The following KCNQ1 variants were observed in gnomAD, a reference collection of about 807,000 sequenced individuals.
The protein encoded by KCNQ1 is potassium voltage-gated channel subfamily Q member 1.
In KCNQ1, 49 loss-of-function variants were observed where a neutral mutation model predicts 72.4. The observed-to-expected ratio is 0.68, with a 90% CI of 0.54 to 0.86. The LOEUF is 0.86. KCNQ1 is among the 40% of genes least tolerant of loss of function. The probability of loss-of-function intolerance (pLI) is 0.00; values close to 1 mark genes in which losing one functional copy is unlikely to be tolerated. For synonymous variants in KCNQ1, 450 were observed against 412.6 expected (o/e 1.09, Z -1.10); for missense variants, 790 against 945.1 (o/e 0.84, Z 2.15).
At chr11:2,469,964 T>C (rs1002724151) in intron 1 of KCNQ1, among the ~76,000 whole-genome samples, 1 of 152,108 alleles carries the variant, frequency 6.6e-6, no homozygotes, top group African/African-American at 2.4e-5. Context: ...CCGGCCCTTT[T>C]AAACAACTTG....
chr11:2,530,212 C>T (rs924587500), intron 2 of KCNQ1, among the ~76,000 whole-genome samples: 1 of 152,212 alleles, frequency 6.6e-6, no homozygotes. Flanking sequence ...GGTACCTGCC[C>T]AGGATCCCCA....
chr11:2,673,838 G>T lies in KCNQ1; in HGVS notation c.1514+11757G>T. 2.5e-6 allele frequency: 1 copy of T among 398,802 alleles called. No homozygotes were observed. Among genetic ancestry groups the T allele is most frequent in the Non-Finnish European group, 4.4e-6 (1 of 226,218 alleles). The allele number at this position is 398,802 out of a possible 1,614,324, so 24.7% of individuals were successfully genotyped here. On this transcript the variant is annotated intron_variant, in intron 11 of 15. Coordinates refer to ENST00000155840, the MANE Select transcript of KCNQ1 (RefSeq NM_000218.3). This position sits in a 1 kb window ranked among gnomAD's most constrained non-coding sequence, Gnocchi z 4.5. The stretch of plus-strand genomic sequence containing the variant: ...CCAGGCCCACAAGCACCACAGCCAG[G>T]AGAGTCAAGGTTGGATATGAAGAGG...
At chr11:2,770,097 G>A (rs2133982591) in intron 12 of KCNQ1, among the ~76,000 whole-genome samples, 1 of 152,294 alleles carries the variant, frequency 6.6e-6, no homozygotes, top group East Asian at 1.9e-4. Context: ...CGGACTGACA[G>A]TGGCATTCAA....
chr11:2,655,256 A>G (rs1170338383), intron 10 of KCNQ1: 1 of 398,530 alleles, frequency 2.5e-6, no homozygotes. Context: ...CAGACCTCCC[A>G]CTTTCCTAGA....
At chr11:2,689,000 G>C (rs943110256) in intron 11 of KCNQ1, 1 of 398,732 alleles carries the variant, frequency 2.5e-6, no homozygotes, top group Admixed American at 4.4e-5. Context: ...GGAGCCTGCA[G>C]GTCCCTGGGT....
In KCNQ1 at chr11:2,598,609, T is replaced by TA. The variant is rs767929610; in HGVS notation, c.1393+9767dup. ...CATTTAGGTCTGCTCTGCCCTTAGT[T>TA]AAAAAAAAAAAACCCTAATACATCT... On this transcript the variant is annotated intron_variant, in intron 10 of 15. Transcript: ENST00000155840. The surrounding 1 kb of genome is among the most constrained non-coding windows in gnomAD (Gnocchi z 6.2). Among the ~76,000 whole-genome samples the TA allele has an allele frequency of 5.1e-3, 732 of 143,512 alleles. 3 individuals are homozygous for TA. Among genetic ancestry groups the TA allele is most frequent in the Non-Finnish European group, 6.7e-3 (442 of 65,670 alleles). 94.1% of individuals were successfully genotyped at this position (143,512 alleles called of 152,430 possible).
chr11:2,742,319 C>A (rs1846068626), intron 11 of KCNQ1, among the ~76,000 whole-genome samples: 1 of 152,204 alleles, frequency 6.6e-6, no homozygotes, highest in Non-Finnish European at 1.5e-5. Flanking sequence ...AGATCAGATA[C>A]ATCAGCTACA....
At position 2,745,213 on chromosome 11, in the gene KCNQ1, G is replaced by A. The variant is rs559997123; in HGVS notation, c.1515-23631G>A. 3.3e-5 allele frequency among the ~76,000 whole-genome samples: 5 copies of A among 152,174 alleles called. No individual in the cohort carries two copies. The highest frequency in any genetic ancestry group is 7.4e-5 in the Non-Finnish European group (5 of 68,008). Reference sequence around the variant, plus strand: ...CTGGAAGTTTGCTTGGGATTGCCTCGAATTTGCAGGTTAAATTTGGGAAAA... The same window carrying A: ...CTGGAAGTTTGCTTGGGATTGCCTCAAATTTGCAGGTTAAATTTGGGAAAA... On this transcript the variant is annotated intron_variant, in intron 11 of 15. Transcript: ENST00000155840. The surrounding 1 kb of genome is among the most constrained non-coding windows in gnomAD (Gnocchi z 6.2).
intron 11 of KCNQ1, chr11:2,680,889 G>C (rs1247204969): frequency 5.0e-6 from 2 of 398,490 alleles, no homozygotes; most frequent in Non-Finnish European, 8.8e-6. Context: ...GTTATTGTGT[G>C]TATCCTTGCA....
At chr11:2,708,215 C>G (rs1489074260) in intron 11 of KCNQ1, among the ~76,000 whole-genome samples, 1 of 152,328 alleles carries the variant, frequency 6.6e-6, no homozygotes, top group East Asian at 1.9e-4. Context: ...CTGAACCCAC[C>G]GTGCACACTT....
intron 10 of KCNQ1, among the ~76,000 whole-genome samples, chr11:2,597,983 C>T (rs1848755055): frequency 6.6e-6 from 1 of 152,104 alleles, no homozygotes; most frequent in Non-Finnish European, 1.5e-5. Context: ...TAATCAAGCA[C>T]ATGAGAAATT....
In KCNQ1 at chr11:2,595,878, T is replaced by G. The variant is rs2106202; in HGVS notation, c.1393+7024T>G. On this transcript the variant is annotated intron_variant, in intron 10 of 15. Transcript: ENST00000155840. This position sits in a 1 kb window ranked among gnomAD's most constrained non-coding sequence, Gnocchi z 5.0. ...AGTAAATTGAAAACATTTTAGAAAATAATCACCATTCTAGATGAAATTAAG... is the reference window on the plus strand; with the variant it reads ...AGTAAATTGAAAACATTTTAGAAAAGAATCACCATTCTAGATGAAATTAAG... 0.28 allele frequency among the ~76,000 whole-genome samples: 42,341 copies of G among 152,068 alleles called. 9,134 individuals carry two copies. Among genetic ancestry groups the G allele is most frequent in the African/African-American group, 0.59 (24,362 of 41,448 alleles).
chr11:2,837,118 T>TG (rs1848082342), intron 15 of KCNQ1, among the ~76,000 whole-genome samples: 1 of 151,988 alleles, frequency 6.6e-6, no homozygotes, highest in South Asian at 2.1e-4. Flanking sequence ...GAGGCTCACA[T>TG]GGTGTGCGTG....
intron 15 of KCNQ1, among the ~76,000 whole-genome samples, chr11:2,810,175 G>A (rs1490612519): frequency 6.6e-6 from 1 of 152,326 alleles, no homozygotes; most frequent in East Asian, 1.9e-4. Flanking sequence ...ACTTTTGTAA[G>A]TGGCCTTTCT....
intron 15 of KCNQ1, among the ~76,000 whole-genome samples, chr11:2,838,862 G>A (rs1180070465): frequency 6.6e-6 from 1 of 152,176 alleles, no homozygotes; most frequent in African/African-American, 2.4e-5. Context: ...GGCAGCTCAG[G>A]AGGCAGCGGC....
rs1329699021 is a variant in KCNQ1 at position 2,720,928 on chromosome 11, C to G, written c.1515-47916C>G. Among the ~76,000 whole-genome samples, 1 of 152,150 alleles carries G rather than the reference C, an allele frequency of 6.6e-6. No homozygotes were observed. Among genetic ancestry groups the G allele is most frequent in the African/African-American group, 2.4e-5 (1 of 41,410 alleles). ...GCTACCTGAGGGAGATGAGGTTGTT[C>G]CCAGGGTTTCCTCATCCCAGGGGCT... On this transcript the variant is annotated intron_variant, in intron 11 of 15. Transcript: ENST00000155840. This position sits in a 1 kb window ranked among gnomAD's most constrained non-coding sequence, Gnocchi z 5.1.
In KCNQ1 at chr11:2,642,280, A is replaced by G. The variant is rs1381784502; in HGVS notation, c.1394-19681A>G. On this transcript the variant is annotated intron_variant, in intron 10 of 15. Coordinates refer to ENST00000155840, the MANE Select transcript of KCNQ1 (RefSeq NM_000218.3). This position sits in a 1 kb window ranked among gnomAD's most constrained non-coding sequence, Gnocchi z 4.3. ...GGATGTTTTTTGTGTGTTCTTTTCAATTTCTTTCATCAGACTTTTGTAGTT... is the reference window on the plus strand; with the variant it reads ...GGATGTTTTTTGTGTGTTCTTTTCAGTTTCTTTCATCAGACTTTTGTAGTT... 2 of 398,044 alleles carry G rather than the reference A, an allele frequency of 5.0e-6. No individual in the cohort carries two copies. The highest frequency in any genetic ancestry group is 7.1e-5 in the East Asian group (2 of 28,032). 24.7% of individuals were successfully genotyped at this position (398,044 alleles called of 1,614,324 possible).
rs1315058595 is a variant in KCNQ1 at position 2,494,910 on chromosome 11, A to T, written c.387-33018A>T. ...TACTGTTTGGAATAGTTTCAGAAGG[A>T]ATGGTACCAGCTCCTCTTTGTGCCT... On this transcript the variant is annotated intron_variant, in intron 1 of 15. Coordinates refer to ENST00000155840, the MANE Select transcript of KCNQ1 (RefSeq NM_000218.3). This position sits in a 1 kb window ranked among gnomAD's most constrained non-coding sequence, Gnocchi z 4.6. Among the ~76,000 whole-genome samples, 3 of 152,148 alleles carry T rather than the reference A, an allele frequency of 2.0e-5. No individual in the cohort carries two copies. The highest frequency in any genetic ancestry group is 4.4e-5 in the Non-Finnish European group (3 of 68,044).
intron 3 of KCNQ1, among the ~76,000 whole-genome samples, chr11:2,570,993 A>T (rs1848325033): frequency 6.6e-6 from 1 of 152,130 alleles, no homozygotes; most frequent in South Asian, 2.1e-4. Context: ...CATGAGCCTC[A>T]CAGCCCAGCA....
Sources: allele counts gnomAD v4.1 joint callset (sites outside exome capture counted in the v4.1 genomes callset), GRCh38; gene constraint gnomAD v4.1.1; non-coding constraint Gnocchi (gnomAD v3.1); transcripts MANE v1.5; gene names NCBI Gene and HGNC (gene_info 2026-07-23, HGNC 2026-07-21).